SNPH: variants seen among roughly 807,000 people sequenced by gnomAD.
SNPH encodes syntaphilin.
Under a neutral mutation model 36.8 loss-of-function variants are expected in SNPH, and 10 were observed. The observed-to-expected ratio is 0.27, with a 90% CI of 0.17 to 0.46. The LOEUF is 0.46. Among genes scored for constraint, SNPH ranks in the 20% least tolerant of loss-of-function variants. The pLI is 1.00. For synonymous variants in SNPH, 281 were observed against 312.2 expected (o/e 0.90, Z 1.05); for missense variants, 622 against 744.0 (o/e 0.84, Z 1.91).
Position 1,306,426 on chromosome 20 carries a change from G to T in SNPH, c.*372G>T. The T allele has an allele frequency of 5.1e-6, 1 of 194,692 alleles. No homozygotes were observed. Among genetic ancestry groups the T allele is most frequent in the Non-Finnish European group, 1.0e-5 (1 of 97,554 alleles). 12.1% of individuals were successfully genotyped at this position (194,692 alleles called of 1,614,324 possible). ...GAAGCCGGGCTTGAGTTGCCCATAGGCCCCTGCCCTGCACCATCCTGTCCA... is the reference window on the plus strand; with the variant it reads ...GAAGCCGGGCTTGAGTTGCCCATAGTCCCCTGCCCTGCACCATCCTGTCCA... On this transcript the variant is annotated 3_prime_UTR_variant, in exon 7 of 7. Coordinates refer to ENST00000381867, the MANE Select transcript of SNPH (RefSeq NM_001318234.2).
Position 1,271,870 on chromosome 20 carries a change from C to T in SNPH, c.-493+5110C>T, listed in dbSNP as rs2088077314. Among the ~76,000 whole-genome samples the T allele has an allele frequency of 2.0e-5, 3 of 152,188 alleles. 1 individual carries two copies. In the South Asian group the frequency reaches 6.2e-4, roughly 32 times the overall value. On this transcript the variant is annotated intron_variant, in intron 2 of 6. Transcript: ENST00000381867. ...GGAGTAACAGAAGATTGCTGTCATA[C>T]TGGGACAGGAAGTCTGTAGCAGAGC...
Position 1,304,828 on chromosome 20 carries a change from C to A in SNPH, c.441-50C>A. 1 of 1,560,266 alleles carries A rather than the reference C, an allele frequency of 6.4e-7. No homozygotes were observed. Among genetic ancestry groups the A allele is most frequent in the Non-Finnish European group, 8.8e-7 (1 of 1,142,268 alleles). On this transcript the variant is annotated intron_variant, in intron 6 of 6. Coordinates refer to ENST00000381867, the MANE Select transcript of SNPH (RefSeq NM_001318234.2). The surrounding 1 kb of genome is among the most constrained non-coding windows in gnomAD (Gnocchi z 4.3). ...TCTCCCTGCCTCTCCTTGGCGGTGA[C>A]AGACCAGGCAGGCAGGCAGTGAGCG...
At position 1,296,202 on chromosome 20, in the gene SNPH, C is replaced by A; in HGVS notation, c.-38C>A. 1 of 1,481,562 alleles carries A rather than the reference C, an allele frequency of 6.7e-7. No individual in the cohort carries two copies. The highest frequency in any genetic ancestry group is 9.0e-7 in the Non-Finnish European group (1 of 1,117,078). The allele number at this position is 1,481,562 out of a possible 1,614,324, so 91.8% of individuals were successfully genotyped here. A position where few individuals can be genotyped will look rare whatever the true frequency, so the allele number is the denominator to read the frequency against. Reference sequence around the variant, plus strand: ...GCAGCCGTGGTCTGCCAGGCCCTCGCTCCTGGGGTGTCCTGCCGAAGGGTG... The same window carrying A: ...GCAGCCGTGGTCTGCCAGGCCCTCGATCCTGGGGTGTCCTGCCGAAGGGTG... On this transcript the variant is annotated 5_prime_UTR_variant, in exon 4 of 7. Coordinates refer to ENST00000381867, the MANE Select transcript of SNPH (RefSeq NM_001318234.2).
chr20:1,276,551 T>G lies in SNPH; in HGVS notation c.-493+9791T>G, dbSNP rs1184937404. ...CATCATAATCATAACGTAGGCCTCC[T>G]GACAGCAAAGCTGGCATGAGAATTA... is the stretch of plus-strand genomic sequence containing the variant. On this transcript the variant is annotated intron_variant, in intron 2 of 6. Coordinates refer to ENST00000381867, the MANE Select transcript of SNPH (RefSeq NM_001318234.2). The surrounding 1 kb of genome is among the most constrained non-coding windows in gnomAD (Gnocchi z 4.6). 6.6e-6 allele frequency among the ~76,000 whole-genome samples: 1 copy of G among 152,204 alleles called. No homozygotes were observed. Among genetic ancestry groups the G allele is most frequent in the East Asian group, 1.9e-4 (1 of 5,196 alleles).
rs138085020 is a variant in SNPH, at chr20:1,292,885, A to G, written c.-492-2066A>G. 2.3e-3 allele frequency among the ~76,000 whole-genome samples: 355 copies of G among 152,282 alleles called. 3 individuals are homozygous for G. The highest frequency in any genetic ancestry group is 8.3e-3 in the African/African-American group (344 of 41,548). On this transcript the variant is annotated intron_variant, in intron 2 of 6. Transcript: ENST00000381867. ...CCAGTGCAAATTTCTTGTGTAGAGAAGCGTTCCTGGATCCTCCTGAAGACA... is the reference window on the plus strand; with the variant it reads ...CCAGTGCAAATTTCTTGTGTAGAGAGGCGTTCCTGGATCCTCCTGAAGACA...
At chr20:1,301,249 T>G (rs2088504299) in intron 6 of SNPH, among the ~76,000 whole-genome samples, 1 of 152,174 alleles carries the variant, frequency 6.6e-6, no homozygotes, top group African/African-American at 2.4e-5. Flanking sequence ...CCAGCCCAGG[T>G]GTCTCCCAGG....
intron 5 of SNPH, 71 bp from the exon 6 acceptor site, chr20:1,300,491 C>A: frequency 6.4e-7 from 1 of 1,567,290 alleles, no homozygotes. Flanking sequence ...TCCCCTTGCT[C>A]CCCAGAGGTA....
At chr20:1,303,959 G>A (rs577869085) in intron 6 of SNPH, among the ~76,000 whole-genome samples, 2 of 152,166 alleles carry the variant, frequency 1.3e-5, no homozygotes, top group African/African-American at 2.4e-5. Flanking sequence ...TTAATCAGTC[G>A]CCATTCTGTC....
chr20:1,305,013 C>T lies in SNPH; in HGVS notation c.576C>T (p.Val192=). Reference sequence around the variant, plus strand: ...AGGAGATCAAGCAGCTCAAGCAGGTCATCGACACTGTCAAGAACAACCTGA... The same window carrying T: ...AGGAGATCAAGCAGCTCAAGCAGGTTATCGACACTGTCAAGAACAACCTGA... ...ARKEIKQLKQ[V]IDTVKNNLID... The change falls in exon 7 of 7, where the codon GTC becomes GTT. Residue 192 remains valine, a synonymous_variant. Transcript: ENST00000381867. 4 of 1,614,082 alleles carry T rather than the reference C, an allele frequency of 2.5e-6. No homozygotes were observed. Among genetic ancestry groups the T allele is most frequent in the Non-Finnish European group, 3.4e-6 (4 of 1,180,046 alleles).
At chr20:1,300,826 C>A in intron 6 of SNPH, 115 bp downstream of exon 6, 1 of 1,034,488 alleles carries the variant, frequency 9.7e-7, no homozygotes, top group Non-Finnish European at 1.4e-6. Context: ...TCCCAGCATC[C>A]GTCTGCTCTC....
intron 2 of SNPH, among the ~76,000 whole-genome samples, chr20:1,269,038 G>A (rs1267626972): frequency 6.6e-6 from 1 of 152,168 alleles, no homozygotes; most frequent in African/African-American, 2.4e-5. Context: ...GGAGGATTGG[G>A]AAGGGAATGA....
At chr20:1,290,157 A>T (rs1770354839) in intron 2 of SNPH, among the ~76,000 whole-genome samples, 1 of 151,592 alleles carries the variant, frequency 6.6e-6, no homozygotes, top group Admixed American at 6.6e-5. Context: ...GGTTGCAGTG[A>T]GCTGAGATCG....
intron 2 of SNPH, among the ~76,000 whole-genome samples, chr20:1,286,398 G>T (rs964594022): frequency 2.0e-5 from 3 of 152,168 alleles, no homozygotes; most frequent in Non-Finnish European, 2.9e-5. Flanking sequence ...GGACAGCAGG[G>T]CAGCTGCAGC....
At chr20:1,277,560 T>TGA in intron 2 of SNPH, among the ~76,000 whole-genome samples, 1 of 145,150 alleles carries the variant, frequency 6.9e-6, no homozygotes, top group Non-Finnish European at 1.5e-5. Context: ...TGTATCTGTG[T>TGA]GTGTGTCGTG....
At chr20:1,303,266 C>G (rs1261372424) in intron 6 of SNPH, among the ~76,000 whole-genome samples, 1 of 152,246 alleles carries the variant, frequency 6.6e-6, no homozygotes, top group Non-Finnish European at 1.5e-5. Context: ...TTCTATCTTG[C>G]TCCCTGGGCA....
intron 5 of SNPH, among the ~76,000 whole-genome samples, chr20:1,300,247 G>A (rs1242238152): frequency 1.3e-5 from 2 of 152,212 alleles, no homozygotes; most frequent in African/African-American, 4.8e-5. Context: ...CTGCTATAAG[G>A]ATTGATGGCG....
intron 5 of SNPH, among the ~76,000 whole-genome samples, chr20:1,299,762 A>G (rs923251895): frequency 6.6e-6 from 1 of 152,152 alleles, no homozygotes; most frequent in Non-Finnish European, 1.5e-5. Flanking sequence ...GTGCCCTAGT[A>G]TGTGTGAGTA....
Position 1,266,769 on chromosome 20 carries a change from G to A in SNPH, c.-493+9G>A. On this transcript the variant is annotated intron_variant, in intron 2 of 6. Transcript: ENST00000381867. This position sits in a 1 kb window ranked among gnomAD's most constrained non-coding sequence, Gnocchi z 6.0. ...AGGGCCAGTGGACTCAGGTGAGGAGGCCGCGGCGGAGCGGGGAGCTGGCCC... is the reference window on the plus strand; with the variant it reads ...AGGGCCAGTGGACTCAGGTGAGGAGACCGCGGCGGAGCGGGGAGCTGGCCC... 7.4e-7 allele frequency: 1 copy of A among 1,349,720 alleles called. No individual in the cohort carries two copies. 83.6% of individuals were successfully genotyped at this position (1,349,720 alleles called of 1,614,324 possible). A position where few individuals can be genotyped will look rare whatever the true frequency, so the allele number is the denominator to read the frequency against.
Position 1,294,999 on chromosome 20 carries a change from G to A in SNPH, c.-465+21G>A, listed in dbSNP as rs1433795472. On this transcript the variant is annotated intron_variant, in intron 3 of 6. Transcript: ENST00000381867. The surrounding 1 kb of genome is among the most constrained non-coding windows in gnomAD (Gnocchi z 4.4). ...ATAATGTACGTAGCGTGGTTGGCAC[G>A]AGGTCTGGTGTGGCGTGGGGCTCGG... The A allele has an allele frequency of 1.3e-5, 2 of 152,770 alleles. No individual in the cohort carries two copies. Among genetic ancestry groups the A allele is most frequent in the Admixed American group, 6.5e-5 (1 of 15,284 alleles). The allele number at this position is 152,770 out of a possible 1,614,324, so 9.5% of individuals were successfully genotyped here.
Sources: allele counts gnomAD v4.1 joint callset (sites outside exome capture counted in the v4.1 genomes callset), GRCh38; gene constraint gnomAD v4.1.1; non-coding constraint Gnocchi (gnomAD v3.1); transcripts MANE v1.5; gene names NCBI Gene and HGNC (gene_info 2026-07-23, HGNC 2026-07-21).